EIF4E3: variants seen among roughly 807,000 people sequenced by gnomAD.
EIF4E3 encodes the protein eukaryotic translation initiation factor 4E type 3.
In EIF4E3, 26 loss-of-function variants were observed where a neutral mutation model predicts 31.7. The observed-to-expected ratio is 0.82, with a 90% confidence interval of 0.60 to 1.14. The LOEUF (loss-of-function observed/expected upper bound fraction) is 1.14, where lower values mean the gene tolerates loss of function less well. EIF4E3 is among the 50% of genes most tolerant of loss of function. The pLI, the probability that EIF4E3 is intolerant of heterozygous loss-of-function variation, is 0.00. For synonymous variants in EIF4E3, 128 were observed against 107.7 expected, an observed-to-expected ratio of 1.19 and a Z score of -1.17; for missense variants, 304 against 270.9, an observed-to-expected ratio of 1.12 and a Z score of -0.86.
intron 2 of EIF4E3, among the ~76,000 whole-genome samples, chr3:71,704,168 T>C (rs1333427592): frequency 2.0e-5 from 3 of 152,304 alleles, no homozygotes; most frequent in East Asian, 1.9e-4. Context: ...GTTGTGATCA[T>C]AGAGTAAACG....
At chr3:71,731,451 T>G (rs2049705209) in intron 1 of EIF4E3, among the ~76,000 whole-genome samples, 1 of 152,084 alleles carries the variant, frequency 6.6e-6, no homozygotes, top group South Asian at 2.1e-4. Context: ...CCTTCCTCAT[T>G]ATTTTTTTCA....
chr3:71,739,069 T>C (rs2049794171), intron 1 of EIF4E3, among the ~76,000 whole-genome samples: 1 of 139,938 alleles, frequency 7.1e-6, no homozygotes, highest in Non-Finnish European at 1.5e-5. Context: ...AAAATGAAAA[T>C]ACAACATATT....
intron 1 of EIF4E3, among the ~76,000 whole-genome samples, chr3:71,738,751 A>ATG (rs2049789778): frequency 6.6e-6 from 1 of 152,078 alleles, no homozygotes; most frequent in African/African-American, 2.4e-5. Flanking sequence ...TAGAACTGCT[A>ATG]GACAGAACAT....
chr3:71,742,200 A>G (rs546125319), intron 1 of EIF4E3, among the ~76,000 whole-genome samples: 2 of 152,270 alleles, frequency 1.3e-5, no homozygotes, highest in South Asian at 4.1e-4. Context: ...GAGAACATCA[A>G]TGAAAGTAAA....
rs1266994565 is a variant in EIF4E3, at chr3:71,681,598, G to C, written c.*3084C>G. On this transcript the variant is annotated 3_prime_UTR_variant, in exon 7 of 7. Transcript: ENST00000425534. ...TAGGGTGGCTAGTGGGCAGGTTAAG[G>C]CTGGCAGATTCTGAGTACTCTCCAT... is the stretch of plus-strand genomic sequence containing the variant. 2.6e-5 allele frequency: 4 copies of C among 152,228 alleles called. No homozygotes were observed. The highest frequency in any genetic ancestry group is 4.4e-5 in the Non-Finnish European group (3 of 68,078). 9.4% of individuals were successfully genotyped at this position (152,228 alleles called of 1,614,324 possible). A position where few individuals can be genotyped will look rare whatever the true frequency, so the allele number is the denominator to read the frequency against.
chr3:71,753,343 AG>A (rs1022797423), intron 1 of EIF4E3: 33 of 152,310 alleles, frequency 2.2e-4, no homozygotes, highest in African/African-American at 8.0e-4. Context: ...TTCGGGCAGA[AG>A]GCTCATTCCA....
chr3:71,695,956 C>A (rs907747754), intron 4 of EIF4E3, among the ~76,000 whole-genome samples: 2 of 152,198 alleles, frequency 1.3e-5, no homozygotes, highest in African/African-American at 4.8e-5. Flanking sequence ...CATCCAGGTT[C>A]TCATCGGCCC....
chr3:71,716,597 T>A (rs2049470303), intron 1 of EIF4E3, among the ~76,000 whole-genome samples: 1 of 152,208 alleles, frequency 6.6e-6, no homozygotes. Context: ...CCACATATCA[T>A]GTTGTACATG....
At chr3:71,693,358 C>T (rs1026672384) in intron 5 of EIF4E3, among the ~76,000 whole-genome samples, 12 of 152,094 alleles carry the variant, frequency 7.9e-5, no homozygotes, top group African/African-American at 2.7e-4. Context: ...GAGCATGTCC[C>T]CACCGACCAC....
At position 71,720,753 on chromosome 3, in the gene EIF4E3, A is replaced by G. The variant is rs114617759; in HGVS notation, c.176+4439T>C. ...CCAGTCCAGGTGGGGGATGCCTGGA[A>G]AGGGGCAGAGCTTGGGAGCAGGCAG... On this transcript the variant is annotated intron_variant, in intron 1 of 6. Transcript: ENST00000425534. Among the ~76,000 whole-genome samples the G allele has an allele frequency of 4.7e-3, 709 of 152,272 alleles. 6 individuals are homozygous for G. The highest frequency in any genetic ancestry group is 0.016 in the African/African-American group (683 of 41,552).
At chr3:71,746,434 C>T (rs187172626) in intron 1 of EIF4E3, among the ~76,000 whole-genome samples, 360 of 152,298 alleles carry the variant, frequency 2.4e-3, no homozygotes, top group Admixed American at 4.6e-3. Flanking sequence ...CCCCAAAGCA[C>T]GTAAACGTTA....
chr3:71,671,177 A>G (rs2048845519), downstream of EIF4E3, among the ~76,000 whole-genome samples: 1 of 152,128 alleles, frequency 6.6e-6, no homozygotes, highest in African/African-American at 2.4e-5. Flanking sequence ...CGAAGGCCAT[A>G]GAGGAGGCTA....
chr3:71,710,457 C>G lies in EIF4E3; in HGVS notation c.204G>C (p.Glu68Asp). The G allele has an allele frequency of 6.4e-7, 1 of 1,551,178 alleles. No homozygotes were observed. Among genetic ancestry groups the G allele is most frequent in the Non-Finnish European group, 8.7e-7 (1 of 1,146,820 alleles). ...DRSLPGATAA[E>D]CASNLKKIYT... The stretch of plus-strand genomic sequence containing the variant: ...AGATTTTCTTCAGATTTGATGCGCA[C>G]TCAGCTGCTGTGGCACCAGGGAGGG... Residue 68 changes from glutamate (E) to aspartate (D), a missense_variant, in exon 2 of 7, where the codon GAG becomes GAC. Coordinates refer to ENST00000425534, the MANE Select transcript of EIF4E3 (RefSeq NM_001134651.2).
rs1254900142 is a variant in EIF4E3, at chr3:71,676,349, C to T, written c.*8333G>A. ...GAGGGCGGGGACACAAGAAAGGGCT[C>T]CTGGGGTGACCGGCAAAGTTCTATT... On this transcript the variant is annotated 3_prime_UTR_variant, in exon 7 of 7. Coordinates refer to ENST00000425534, the MANE Select transcript of EIF4E3 (RefSeq NM_001134651.2). The T allele has an allele frequency of 6.6e-6, 1 of 152,102 alleles. No homozygotes were observed. Among genetic ancestry groups the T allele is most frequent in the Non-Finnish European group, 1.5e-5 (1 of 68,024 alleles). 9.4% of individuals were successfully genotyped at this position (152,102 alleles called of 1,614,324 possible). A position where few individuals can be genotyped will look rare whatever the true frequency, so the allele number is the denominator to read the frequency against.
chr3:71,701,664 G>C (rs1052133167), intron 2 of EIF4E3, among the ~76,000 whole-genome samples: 1 of 152,140 alleles, frequency 6.6e-6, no homozygotes, highest in African/African-American at 2.4e-5. Context: ...GAGTCACATG[G>C]GTGGAATAGA....
At chr3:71,693,833 A>C in intron 5 of EIF4E3, 42 bp downstream of exon 5, 2 of 1,476,766 alleles carry the variant, frequency 1.4e-6, no homozygotes, top group South Asian at 2.6e-5. Context: ...ACAAGCCAGG[A>C]GCACACGAGG....
chr3:71,754,223 C>G (rs1434144679), upstream of EIF4E3: 14 of 1,370,684 alleles, frequency 1.0e-5, no homozygotes, highest in Non-Finnish European at 1.1e-5. This position sits in a 1 kb window ranked among gnomAD's most constrained non-coding sequence, Gnocchi z 5.8. Flanking sequence ...ACCTGCTGCT[C>G]GACCTGTGCC....
intron 1 of EIF4E3, among the ~76,000 whole-genome samples, chr3:71,745,799 A>C (rs914844579): frequency 6.6e-6 from 1 of 152,188 alleles, no homozygotes; most frequent in African/African-American, 2.4e-5. Context: ...CAGCTAGTAA[A>C]TATAATGCAA....
chr3:71,703,689 G>A (rs2049249819), intron 2 of EIF4E3, among the ~76,000 whole-genome samples: 1 of 151,512 alleles, frequency 6.6e-6, no homozygotes. Context: ...GAAATGTTCT[G>A]AAGAAAAAGA....
Sources: gnomAD v4.1 joint callset for allele counts (sites outside exome capture counted in the v4.1 genomes callset) on GRCh38, gnomAD v4.1.1 for gene constraint, Gnocchi (gnomAD v3.1) non-coding constraint, MANE v1.5 for transcripts, NCBI Gene and HGNC (gene_info 2026-07-23, HGNC 2026-07-21) for gene names.